The following CCL15 variants were observed in gnomAD, a reference collection of about 807,000 sequenced individuals.
CCL15 encodes C-C motif chemokine ligand 15.
A neutral mutation model predicts 10.6 loss-of-function variants in CCL15; 8 were observed. That is an observed-to-expected ratio of 0.75 (90% CI 0.44 to 1.36). The LOEUF is 1.36. Among genes scored for constraint, CCL15 ranks in the 40% most tolerant of loss-of-function variants. The probability of loss-of-function intolerance (pLI) is 0.00; values close to 1 mark genes in which losing one functional copy is unlikely to be tolerated. For missense variants in CCL15, 128 were observed against 136.6 expected (o/e 0.94, Z 0.32); for synonymous variants, 51 against 48.8 (o/e 1.04, Z -0.19).
At chr17:35,998,200 C>T (rs754031454) in intron 3 of CCL15, 80 bp downstream of exon 3, 41 of 889,050 alleles carry the variant, frequency 4.6e-5, no homozygotes, top group Admixed American at 2.2e-4. Context: ...ACCCGATGGA[C>T]GCCCATCCGT....
Position 36,000,820 on chromosome 17 carries a change from G to A in CCL15, c.76+597C>T, listed in dbSNP as rs12953020. ...AGGTTGTCCCTTCCCTCCTGTTTGT[G>A]ACTCCTGCCCGTGACTCCTGCCCGT... On this transcript the variant is annotated intron_variant, in intron 1 of 3. Transcript: ENST00000617897. Among the ~76,000 whole-genome samples the A allele has an allele frequency of 4.5e-3, 684 of 151,260 alleles. 7 individuals carry two copies. Among genetic ancestry groups the A allele is most frequent in the African/African-American group, 0.016 (657 of 41,060 alleles).
At chr17:35,998,052 G>T (rs1051246985) in intron 3 of CCL15, among the ~76,000 whole-genome samples, 192 bp from the exon 4 acceptor site, 1 of 152,208 alleles carries the variant, frequency 6.6e-6, no homozygotes, top group African/African-American at 2.4e-5. Context: ...ACTCATGGAA[G>T]TGTCCTTGGG....
chr17:35,997,914 AG>A (rs778477355), intron 3 of CCL15, 54 bp from the exon 4 acceptor site: 16 of 1,382,046 alleles, frequency 1.2e-5, no homozygotes, highest in Non-Finnish European at 1.4e-5. Flanking sequence ...AGATGGAGAC[AG>A]GGGGCCCCAT....
Position 35,997,660 on chromosome 17 carries a change from C to G in CCL15, c.*107G>C. 1 of 683,904 alleles carries G rather than the reference C, an allele frequency of 1.5e-6. No individual in the cohort carries two copies. The highest frequency in any genetic ancestry group is 1.8e-5 in the South Asian group (1 of 55,902). 42.4% of individuals were successfully genotyped at this position (683,904 alleles called of 1,614,324 possible). On this transcript the variant is annotated 3_prime_UTR_variant, in exon 4 of 4. Transcript: ENST00000617897. Reference sequence around the variant, plus strand: ...TGAATACTCTTTATTAGATGCATTACTTTCATTACCAGACACAACAATATA... The same window carrying G: ...TGAATACTCTTTATTAGATGCATTAGTTTCATTACCAGACACAACAATATA...
At chr17:36,001,325 G>A (rs895055693) in intron 1 of CCL15, 92 bp downstream of exon 1, 1 of 1,503,636 alleles carries the variant, frequency 6.7e-7, no homozygotes, top group African/African-American at 1.4e-5. Flanking sequence ...CCATAACCAT[G>A]TCTGGGCTGG....
chr17:36,000,518 G>C (rs1228568629), intron 1 of CCL15, among the ~76,000 whole-genome samples: 1 of 150,616 alleles, frequency 6.6e-6, no homozygotes, highest in Non-Finnish European at 1.5e-5. Flanking sequence ...GCCCATTGCA[G>C]GGCTAACCAA....
intron 1 of CCL15, among the ~76,000 whole-genome samples, chr17:35,999,246 G>A (rs1394546705): frequency 6.6e-6 from 1 of 152,058 alleles, no homozygotes; most frequent in Non-Finnish European, 1.5e-5. Flanking sequence ...ACACATTTCT[G>A]GAATAATTTT....
At position 35,997,848 on chromosome 17, in the gene CCL15, C is replaced by G. The variant is rs1157027842; in HGVS notation, c.261G>C (p.Lys87Asn). ...GTTTGGCACAGACTTGCCGCCCCTT[C>G]TTGGTGAGGAATCTGGGGAACAAGG... is the stretch of plus-strand genomic sequence containing the variant. ...CSKPGVIFLT[K>N]KGRQVCAKPS... The change falls in exon 4 of 4, where the codon AAG (lysine) becomes AAC (asparagine). Residue 87 changes from lysine (K) to asparagine (N), a missense_variant. Physicochemically the swap from Lys to Asn is moderately conservative, Grantham distance 94. Coordinates refer to ENST00000617897, the MANE Select transcript of CCL15 (RefSeq NM_032965.6). 1.2e-6 allele frequency: 2 copies of G among 1,613,654 alleles called. No homozygotes were observed. Among genetic ancestry groups the G allele is most frequent in the Non-Finnish European group, 1.7e-6 (2 of 1,179,714 alleles).
At chr17:35,999,906 C>T (rs2089969632) in intron 1 of CCL15, among the ~76,000 whole-genome samples, 1 of 151,474 alleles carries the variant, frequency 6.6e-6, no homozygotes, top group African/African-American at 2.4e-5. Flanking sequence ...AATCCCAGCA[C>T]TTTGGGAGGC....
intron 1 of CCL15, 73 bp from the exon 2 acceptor site, chr17:35,998,998 T>C: frequency 8.2e-7 from 1 of 1,220,748 alleles, no homozygotes; most frequent in Non-Finnish European, 1.2e-6. Flanking sequence ...CCCACCCCAT[T>C]GCTCATCCTC....
At chr17:36,000,237 G>A (rs371027393) in intron 1 of CCL15, among the ~76,000 whole-genome samples, 5 of 151,718 alleles carry the variant, frequency 3.3e-5, no homozygotes, top group African/African-American at 7.3e-5. Context: ...CGAGGTGGGC[G>A]GATCACCTGA....
At position 35,997,748 on chromosome 17, in the gene CCL15, C is replaced by A. The variant is rs1190632675; in HGVS notation, c.*19G>T. The stretch of plus-strand genomic sequence containing the variant: ...GAGGTGTTGGAGGTGGGTGGCTGGC[C>A]TCTTTTGTCTCTTTATTATTATATT... On this transcript the variant is annotated 3_prime_UTR_variant, in exon 4 of 4. Coordinates refer to ENST00000617897, the MANE Select transcript of CCL15 (RefSeq NM_032965.6). 3 of 1,550,380 alleles carry A rather than the reference C, an allele frequency of 1.9e-6. No individual in the cohort carries two copies. Among genetic ancestry groups the A allele is most frequent in the Non-Finnish European group, 2.7e-6 (3 of 1,122,464 alleles).
intron 1 of CCL15, among the ~76,000 whole-genome samples, chr17:36,000,814 G>C (rs2089986418): frequency 6.6e-6 from 1 of 151,584 alleles, no homozygotes; most frequent in African/African-American, 2.4e-5. Context: ...CTTCCCTCCT[G>C]TTTGTGACTC....
intron 1 of CCL15, among the ~76,000 whole-genome samples, chr17:35,999,183 C>T (rs116720726): frequency 0.012 from 1,778 of 152,234 alleles, 36 homozygotes; most frequent in African/African-American, 0.04. Flanking sequence ...GAACCTCACA[C>T]GGTTCAGTTA....
chr17:35,999,356 A>T (rs2089961515), intron 1 of CCL15, among the ~76,000 whole-genome samples: 1 of 152,142 alleles, frequency 6.6e-6, no homozygotes, highest in South Asian at 2.1e-4. Flanking sequence ...TATTCATCCC[A>T]GTTAGCAGAA....
chr17:35,999,024 G>T, intron 1 of CCL15, 99 bp from the exon 2 acceptor site: 2 of 994,690 alleles, frequency 2.0e-6, no homozygotes, highest in Non-Finnish European at 3.2e-6. Context: ...GAGGCAGAGA[G>T]GCTCTGAAGC....
At chr17:36,001,376 C>T (rs2089993451) in intron 1 of CCL15, 41 bp downstream of exon 1, 2 of 1,613,002 alleles carry the variant, frequency 1.2e-6, no homozygotes, top group East Asian at 2.2e-5. Flanking sequence ...GCTTGAGTTA[C>T]CATGGACCTG....
intron 2 of CCL15, 38 bp downstream of exon 2, chr17:35,998,828 T>C (rs2089950684): frequency 1.3e-6 from 2 of 1,535,776 alleles, no homozygotes; most frequent in African/African-American, 1.4e-5. Flanking sequence ...CTGCACCTGC[T>C]GGCTGCTTTT....
At chr17:35,999,759 G>A (rs181273506) in intron 1 of CCL15, among the ~76,000 whole-genome samples, 2 of 152,166 alleles carry the variant, frequency 1.3e-5, no homozygotes, top group Admixed American at 6.5e-5. Context: ...ACCATGCCTA[G>A]CGTGTATTAC....
Sources: allele counts gnomAD v4.1 joint callset (sites outside exome capture counted in the v4.1 genomes callset), GRCh38; gene constraint gnomAD v4.1.1; transcripts MANE v1.5; gene names NCBI Gene and HGNC (gene_info 2026-07-23, HGNC 2026-07-21).